The following PKHD1 variants were observed in gnomAD, a reference collection of about 807,000 sequenced individuals.
PKHD1 encodes the protein fibrocystin.
Under a neutral mutation model 412.0 loss-of-function variants are expected in PKHD1, and 291 were observed. That is an observed-to-expected ratio of 0.71 (90% CI 0.64 to 0.78). The LOEUF (loss-of-function observed/expected upper bound fraction) is 0.78. Among genes scored for constraint, PKHD1 ranks in the 30% least tolerant of loss-of-function variants. The pLI is 0.00. For synonymous variants in PKHD1, 1,777 were observed against 1,821.5 expected (o/e 0.98, Z 0.62); for missense variants, 4,825 against 4,950.7 (o/e 0.97, Z 0.76).
intron 31 of PKHD1, among the ~76,000 whole-genome samples, chr6:52,027,568 G>A: frequency 7.4e-6 from 1 of 134,638 alleles, no homozygotes; most frequent in Non-Finnish European, 1.6e-5. Context: ...AGAAGAAGGA[G>A]AAGAAGAAAA....
chr6:51,642,097 T>C (rs1769443674), intron 63 of PKHD1, among the ~76,000 whole-genome samples: 1 of 152,172 alleles, frequency 6.6e-6, no homozygotes, highest in South Asian at 2.1e-4. Flanking sequence ...TCATGCCTCA[T>C]TCACTTTTCA....
chr6:52,033,367 A>G (rs1562190193), intron 28 of PKHD1, among the ~76,000 whole-genome samples: 1 of 152,184 alleles, frequency 6.6e-6, no homozygotes, highest in Non-Finnish European at 1.5e-5. Context: ...CCCACAACAC[A>G]GAGTGATAAG....
intron 66 of PKHD1, among the ~76,000 whole-genome samples, chr6:51,621,388 A>C (rs1766599495): frequency 6.6e-6 from 1 of 152,192 alleles, no homozygotes; most frequent in Non-Finnish European, 1.5e-5. Flanking sequence ...CAAACTTTAA[A>C]AAGACAAAAA....
intron 60 of PKHD1, chr6:51,722,109 C>T (rs1781999154): frequency 1.2e-6 from 2 of 1,605,294 alleles, no homozygotes; most frequent in African/African-American, 1.3e-5. Flanking sequence ...ATGCTTTCCA[C>T]ATTGCATCCA....
At position 52,080,848 on chromosome 6, in the gene PKHD1, TTAAA is replaced by T. The variant is rs555169843; in HGVS notation, c.282-844_282-841del. Among the ~76,000 whole-genome samples, 27 of 152,312 alleles carry T rather than the reference TTAAA, an allele frequency of 1.8e-4. 1 individual carries two copies. In the South Asian group the frequency reaches 5.4e-3, roughly 30 times the overall value. ...GAAATAATATTTTAGATATGTTGAG[TTAAA>T]TAAAATACATTATTAAATTAATTTC... On this transcript the variant is annotated intron_variant, in intron 4 of 66. Transcript: ENST00000371117.
intron 36 of PKHD1, among the ~76,000 whole-genome samples, chr6:51,941,054 TCC>T (rs200614652): frequency 6.7e-6 from 1 of 149,142 alleles, no homozygotes; most frequent in Admixed American, 6.7e-5. Context: ...TCCTCTTGTA[TCC>T]CCCCCCACCT....
In PKHD1 at chr6:52,051,051, G is replaced by A. The variant is rs377750045; in HGVS notation, c.2141-756C>T. On this transcript the variant is annotated intron_variant, in intron 21 of 66. Coordinates refer to ENST00000371117, the MANE Select transcript of PKHD1 (RefSeq NM_138694.4). ...TAAGGGCAACACCTTTGTCTAATTC[G>A]TCTTCTCATGCTTGATGCTTAGCAC... 5.9e-5 allele frequency among the ~76,000 whole-genome samples: 9 copies of A among 152,324 alleles called. No individual in the cohort carries two copies. In the East Asian group the frequency reaches 9.6e-4, roughly 16 times the overall value.
In PKHD1 at chr6:51,911,917, C is replaced by T. The variant is rs1583328896; in HGVS notation, c.6372G>A (p.Glu2124=). The change falls in exon 39 of 67, where the codon GAG becomes GAA. Residue 2124 remains glutamate (E), a synonymous_variant. Coordinates refer to ENST00000371117, the MANE Select transcript of PKHD1 (RefSeq NM_138694.4). ...HNFTENWVAG[E]HHILKATVAL... is the part of the protein sequence containing the mutation. ...CCACAGTGGCCTTTAAAATATGGTG[C>T]TCTCCAGCCACCCAATTCTCTGTAA... The T allele has an allele frequency of 6.2e-7, 1 of 1,612,032 alleles. No homozygotes were observed. The highest frequency in any genetic ancestry group is 8.5e-7 in the Non-Finnish European group (1 of 1,178,602).
intron 35 of PKHD1, among the ~76,000 whole-genome samples, chr6:51,972,176 A>G (rs1429642849): frequency 6.6e-6 from 1 of 152,136 alleles, no homozygotes; most frequent in Non-Finnish European, 1.5e-5. Flanking sequence ...TTCTCATTTT[A>G]AAAAAAGAAA....
chr6:51,634,366 T>A (rs1768273658), intron 64 of PKHD1, among the ~76,000 whole-genome samples: 1 of 152,218 alleles, frequency 6.6e-6, no homozygotes, highest in South Asian at 2.1e-4. Flanking sequence ...CATATTTGGC[T>A]TGTTTGTTAT....
intron 60 of PKHD1, among the ~76,000 whole-genome samples, chr6:51,689,728 A>G (rs1433187128): frequency 6.6e-6 from 1 of 152,194 alleles, no homozygotes; most frequent in Non-Finnish European, 1.5e-5. Flanking sequence ...CAAATCACAA[A>G]TGAACTCCCA....
At chr6:51,900,963 A>G (rs1354950038) in intron 43 of PKHD1, among the ~76,000 whole-genome samples, 1 of 152,108 alleles carries the variant, frequency 6.6e-6, no homozygotes, top group Non-Finnish European at 1.5e-5. Context: ...CAAAACCACA[A>G]TGAGATACCA....
chr6:51,855,054 C>T (rs1377341159), intron 49 of PKHD1, among the ~76,000 whole-genome samples: 1 of 152,152 alleles, frequency 6.6e-6, no homozygotes, highest in Non-Finnish European at 1.5e-5. Context: ...GGTGTGGGTT[C>T]GCGAGTGGGA....
At chr6:51,722,426 G>A (rs1278286937) in intron 60 of PKHD1, among the ~76,000 whole-genome samples, 3 of 152,116 alleles carry the variant, frequency 2.0e-5, no homozygotes, top group South Asian at 2.1e-4. Context: ...GAATTCAGAT[G>A]GACTTGAATG....
chr6:51,625,210 G>A (rs1197658956), intron 66 of PKHD1, among the ~76,000 whole-genome samples: 1 of 152,092 alleles, frequency 6.6e-6, no homozygotes, highest in African/African-American at 2.4e-5. Flanking sequence ...GCTTAGTGAA[G>A]GCAAAGTGCT....
intron 52 of PKHD1, among the ~76,000 whole-genome samples, chr6:51,796,622 A>G (rs1283568346): frequency 6.6e-6 from 1 of 151,634 alleles, no homozygotes; most frequent in Admixed American, 6.6e-5. Flanking sequence ...TAGCTTTTAG[A>G]TGTGGGCATT....
rs55992586 is a variant in PKHD1, at chr6:52,059,259, CTTTTTTTTTTTTT to C, written c.1233+656_1234-659del. ...CTTTCTTTTTTTTCTTTTTCTTTTT[CTTTTTTTTTTTTT>C]TTTTTTTTTTTGAGACAAGGTCTCA... On this transcript the variant is annotated intron_variant, in intron 15 of 66. Transcript: ENST00000371117. Among the ~76,000 whole-genome samples, 536 of 83,550 alleles carry C rather than the reference CTTTTTTTTTTTTT, an allele frequency of 6.4e-3. 6 individuals carry two copies. Among genetic ancestry groups the C allele is most frequent in the African/African-American group, 0.026 (496 of 19,208 alleles). The allele number at this position is 83,550 out of a possible 152,430, so 54.8% of individuals were successfully genotyped here.
intron 60 of PKHD1, among the ~76,000 whole-genome samples, chr6:51,673,418 T>C (rs1775316719): frequency 6.6e-6 from 1 of 152,220 alleles, no homozygotes; most frequent in Non-Finnish European, 1.5e-5. Flanking sequence ...TTTCCTACTT[T>C]TCTGTGTGCC....
chr6:51,669,853 G>A (rs1235166845), intron 60 of PKHD1, among the ~76,000 whole-genome samples: 2 of 120,498 alleles, frequency 1.7e-5, no homozygotes, highest in East Asian at 2.5e-4. Flanking sequence ...GTAGTTGAGC[G>A]GTTTTGAGTG....
Sources: gnomAD v4.1 joint callset for allele counts (sites outside exome capture counted in the v4.1 genomes callset) on GRCh38, gnomAD v4.1.1 for gene constraint, MANE v1.5 for transcripts, NCBI Gene and HGNC (gene_info 2026-07-23, HGNC 2026-07-21) for gene names.